LINGO2: variants seen among roughly 807,000 people sequenced by gnomAD.
LINGO2 encodes the protein leucine-rich repeat and immunoglobulin-like domain-containing nogo receptor-interacting protein 2.
Under a neutral mutation model 30.6 loss-of-function variants are expected in LINGO2, and 14 were observed. The ratio of observed to expected loss-of-function variants is 0.46; its 90% CI spans 0.30 to 0.72. LINGO2 has a LOEUF of 0.72. LINGO2 is among the 30% of genes least tolerant of loss of function. The probability of loss-of-function intolerance (pLI) is 0.07; values close to 1 mark genes in which losing one functional copy is unlikely to be tolerated. For synonymous variants in LINGO2, 317 were observed against 288.5 expected (o/e 1.10, Z -1.00); for missense variants, 729 against 751.7 (o/e 0.97, Z 0.35).
the LINGO2 span, among the ~76,000 whole-genome samples, chr9:29,175,424 C>T: frequency 6.6e-6 from 1 of 152,020 alleles, no homozygotes; most frequent in African/African-American, 2.4e-5. Flanking sequence ...TTATTGAACA[C>T]TTTGTGCACC....
At chr9:28,388,819 C>A (rs563930719) in intron 2 of LINGO2, among the ~76,000 whole-genome samples, 43 of 152,252 alleles carry the variant, frequency 2.8e-4, no homozygotes, top group African/African-American at 9.9e-4. Context: ...GCATTTTCTC[C>A]TGCCACATAT....
chr9:28,900,290 G>C, the LINGO2 span, among the ~76,000 whole-genome samples: 1 of 152,274 alleles, frequency 6.6e-6, no homozygotes, highest in African/African-American at 2.4e-5. Flanking sequence ...TATCAGGCCA[G>C]ACCCTAAGGA....
intron 5 of LINGO2, among the ~76,000 whole-genome samples, chr9:27,974,227 G>C (rs1188026683): frequency 2.0e-5 from 3 of 152,114 alleles, no homozygotes; most frequent in African/African-American, 2.4e-5. Context: ...TGTCATGTTA[G>C]GGGTTCAGGA....
chr9:28,579,587 A>C (rs1824160565), intron 1 of LINGO2, among the ~76,000 whole-genome samples: 2 of 152,124 alleles, frequency 1.3e-5, no homozygotes, highest in South Asian at 4.1e-4. Flanking sequence ...ATGAAATATT[A>C]TATGATTTTG....
intron 4 of LINGO2, among the ~76,000 whole-genome samples, chr9:28,277,915 C>G (rs376417061): frequency 4.6e-5 from 7 of 150,972 alleles, no homozygotes; most frequent in East Asian, 1.9e-4. Context: ...TCCAGACGGG[C>G]TGAAAGCTGG....
At chr9:28,956,941 C>T in the LINGO2 span, among the ~76,000 whole-genome samples, 1 of 151,266 alleles carries the variant, frequency 6.6e-6, no homozygotes, top group African/African-American at 2.4e-5. Flanking sequence ...ATAACATTAC[C>T]CTGGGAAACA....
the LINGO2 span, among the ~76,000 whole-genome samples, chr9:29,035,727 T>C: frequency 1.1e-4 from 16 of 151,776 alleles, no homozygotes; most frequent in Non-Finnish European, 1.3e-4. Flanking sequence ...GACAAAAGCA[T>C]ATGTGTAAGC....
chr9:28,495,414 C>T (rs1035337515), intron 1 of LINGO2, among the ~76,000 whole-genome samples: 4 of 152,118 alleles, frequency 2.6e-5, no homozygotes, highest in African/African-American at 9.7e-5. Flanking sequence ...GGAAGGGATC[C>T]AGTTTCAGCT....
the LINGO2 span, among the ~76,000 whole-genome samples, chr9:29,158,750 G>A: frequency 6.6e-6 from 1 of 152,120 alleles, no homozygotes; most frequent in Non-Finnish European, 1.5e-5. Flanking sequence ...GTGTGTTTGT[G>A]TCTGTGTGTA....
At chr9:28,890,054 T>C in the LINGO2 span, among the ~76,000 whole-genome samples, 129,510 of 152,062 alleles carry the variant, frequency 0.85, 55,328 homozygotes, top group Non-Finnish European at 0.89. Flanking sequence ...CACTCATGCT[T>C]GGTACAGAAT....
intron 4 of LINGO2, among the ~76,000 whole-genome samples, chr9:28,048,877 G>A (rs1311282253): frequency 1.3e-5 from 2 of 150,682 alleles, no homozygotes; most frequent in South Asian, 4.2e-4. Context: ...TTGTGTTTAT[G>A]CCAACATATA....
the LINGO2 span, among the ~76,000 whole-genome samples, chr9:28,923,955 C>A: frequency 7.3e-6 from 1 of 136,952 alleles, no homozygotes; most frequent in African/African-American, 3.5e-5. Flanking sequence ...TAGGCACTGT[C>A]ACAGACTCAC....
chr9:29,039,176 A>C, the LINGO2 span, among the ~76,000 whole-genome samples: 6,239 of 152,250 alleles, frequency 0.041, 197 homozygotes, highest in Admixed American at 0.082. Flanking sequence ...ATCTGGCACC[A>C]ATTTATGAAC....
the LINGO2 span, among the ~76,000 whole-genome samples, chr9:29,008,173 G>T: frequency 3.3e-5 from 5 of 152,110 alleles, no homozygotes; most frequent in African/African-American, 1.2e-4. Flanking sequence ...GAGAACATGT[G>T]ATGTTTGGTT....
chr9:29,092,249 G>T, the LINGO2 span, among the ~76,000 whole-genome samples: 1 of 152,048 alleles, frequency 6.6e-6, no homozygotes, highest in East Asian at 1.9e-4. Context: ...TAGAGTCAGG[G>T]CACAGATCAA....
At position 28,209,279 on chromosome 9, in the gene LINGO2, G is replaced by A. The variant is rs773884711; in HGVS notation, c.-87+85929C>T. 3.9e-5 allele frequency among the ~76,000 whole-genome samples: 6 copies of A among 151,954 alleles called. No homozygotes were observed. The South Asian group carries it at 1.2e-3, about 31-fold the overall frequency. Reference sequence around the variant, plus strand: ...AATAACTGATATATATGAGGCCTAGGTTAAGGTGCTAAAAGGATGCTCTCA... The same window carrying A: ...AATAACTGATATATATGAGGCCTAGATTAAGGTGCTAAAAGGATGCTCTCA... On this transcript the variant is annotated intron_variant, in intron 4 of 5. Transcript: ENST00000379992.
intron 2 of LINGO2, among the ~76,000 whole-genome samples, chr9:28,424,475 AACT>A (rs1823325178): frequency 6.6e-6 from 1 of 152,036 alleles, no homozygotes; most frequent in Admixed American, 6.6e-5. Flanking sequence ...ACAACACAAC[AACT>A]AACAGCACAT....
At chr9:29,107,783 T>C in the LINGO2 span, among the ~76,000 whole-genome samples, 1 of 152,026 alleles carries the variant, frequency 6.6e-6, no homozygotes, top group African/African-American at 2.4e-5. Flanking sequence ...TAAATCTAAA[T>C]CATTGCAATG....
intron 2 of LINGO2, among the ~76,000 whole-genome samples, chr9:28,428,604 A>T (rs916569827): frequency 6.7e-6 from 1 of 149,544 alleles, no homozygotes; most frequent in Non-Finnish European, 1.5e-5. Flanking sequence ...TGACTCAAAA[A>T]TGGGTGATTT....
Sources: gnomAD v4.1 joint callset for allele counts (sites outside exome capture counted in the v4.1 genomes callset) on GRCh38, gnomAD v4.1.1 for gene constraint, MANE v1.5 for transcripts, NCBI Gene and HGNC (gene_info 2026-07-23, HGNC 2026-07-21) for gene names.